Variants in USP36 observed in about 807,000 individuals in gnomAD.
The protein encoded by USP36 is ubiquitin specific peptidase 36.
A neutral mutation model predicts 111.5 loss-of-function variants in USP36; 59 were observed. That is an observed-to-expected ratio of 0.53 (90% confidence interval 0.43 to 0.66). USP36 has a LOEUF of 0.66. Ranked by LOEUF, USP36 falls within the 30% of genes least tolerant of loss-of-function variation. The probability of loss-of-function intolerance (pLI) is 0.00; values close to 1 mark genes in which losing one functional copy is unlikely to be tolerated. For missense variants in USP36, 1,488 were observed against 1,468.0 expected (o/e 1.01, Z -0.22); for synonymous variants, 628 against 581.0 (o/e 1.08, Z -1.16).
Position 78,803,394 on chromosome 17 carries a change from A to G in USP36, c.2801T>C (p.Leu934Pro), listed in dbSNP as rs2145025354. 1 of 1,613,016 alleles carries G rather than the reference A, an allele frequency of 6.2e-7. No individual in the cohort carries two copies. The highest frequency in any genetic ancestry group is 8.5e-7 in the Non-Finnish European group (1 of 1,179,268). Reference protein sequence around the residue: ...GEEGGLHQDPLRHSCSPMGDG... With the variant: ...GEEGGLHQDPPRHSCSPMGDG... The stretch of plus-strand genomic sequence containing the variant: ...TTGCTCCTGCCCTTACCTGTGCCGA[A>G]GTGGGTCCTGGTGCAGGCCGCCTTC... Residue 934 changes from leucine (L) to proline (P), a missense_variant, in exon 16 of 21, where the codon CTT (leucine) becomes CCT (proline). By Grantham distance (98) the Leu-to-Pro change is moderately conservative (BLOSUM62 -3). Around this residue, in one of 3 missense-constraint regions of USP36, gnomAD observed 1,073 missense variants for 994.1 expected, o/e 1.08. Transcript: ENST00000449938. The surrounding 1 kb of genome is among the most constrained non-coding windows in gnomAD (Gnocchi z 4.6).
intron 1 of USP36, 133 bp downstream of exon 1, chr17:78,840,603 G>C (rs930497372): frequency 6.6e-6 from 1 of 152,274 alleles, no homozygotes; most frequent in Non-Finnish European, 1.5e-5. Context: ...GCCCTGCGCG[G>C]ACCCGCGCCC....
chr17:78,821,834 G>T, intron 7 of USP36, 103 bp downstream of exon 7: 2 of 1,347,524 alleles, frequency 1.5e-6, no homozygotes, highest in Middle Eastern at 1.8e-4. Flanking sequence ...ACCCAGGTCT[G>T]CACAGCGAAG....
chr17:78,815,870 C>T (rs763628376), intron 10 of USP36, among the ~76,000 whole-genome samples: 15 of 152,144 alleles, frequency 9.9e-5, no homozygotes, highest in Middle Eastern at 3.4e-3. Flanking sequence ...TACACATGTA[C>T]GCATATACAT....
chr17:78,807,263 T>C lies in USP36; in HGVS notation c.1781A>G (p.His594Arg), dbSNP rs541169522. Reference sequence around the variant, plus strand: ...GCTCTCGTCGTTCCCCTTCAGCCCATGCCCGTTGGCAGTGGCTGTAGCCAG... The same window carrying C: ...GCTCTCGTCGTTCCCCTTCAGCCCACGCCCGTTGGCAGTGGCTGTAGCCAG... Reference protein sequence around the residue: ...KLLATATANGHGLKGNDESAG... With the variant: ...KLLATATANGRGLKGNDESAG... The change falls in exon 14 of 21, where the codon CAT (histidine) becomes CGT (arginine). Residue 594 changes from histidine (H) to arginine (R), a missense_variant. Coordinates refer to ENST00000449938, the MANE Select transcript of USP36 (RefSeq NM_001385174.1). The C allele has an allele frequency of 8.7e-6, 14 of 1,613,886 alleles. No individual in the cohort carries two copies. In the East Asian group the frequency reaches 2.7e-4, roughly 31 times the overall value.
At chr17:78,818,637 G>C in intron 10 of USP36, 30 bp downstream of exon 10, 3 of 1,600,996 alleles carry the variant, frequency 1.9e-6, no homozygotes, top group Non-Finnish European at 2.6e-6. Flanking sequence ...GGCCCACGGA[G>C]CTGCCTGGGA....
chr17:78,818,224 G>A (rs1168786399), intron 10 of USP36, among the ~76,000 whole-genome samples: 4 of 152,136 alleles, frequency 2.6e-5, no homozygotes, highest in Non-Finnish European at 4.4e-5. Context: ...AAGTCCCACC[G>A]CCCAGTGCTC....
rs775000525 is a variant in USP36, at chr17:78,807,449, G to A, written c.1595C>T (p.Pro532Leu). The A allele has an allele frequency of 1.2e-6, 2 of 1,613,992 alleles. No homozygotes were observed. Among genetic ancestry groups the A allele is most frequent in the African/African-American group, 2.7e-5 (2 of 74,908 alleles). ...PTHMPTILDD[P>L]GKKVKKPAPP... is the part of the protein sequence containing the mutation. ...AGCTGGCTTCTTCACCTTCTTTCCA[G>A]GGTCGTCTAGGATGGTTGGCATGTG... is the stretch of plus-strand genomic sequence containing the variant. Residue 532 changes from proline to leucine, a missense_variant, in exon 14 of 21, where the codon CCT (proline) becomes CTT (leucine). Coordinates refer to ENST00000449938, the MANE Select transcript of USP36 (RefSeq NM_001385174.1).
Position 78,835,282 on chromosome 17 carries a change from C to A in USP36, c.473G>T (p.Ser158Ile), listed in dbSNP as rs148941450. 2.7e-4 allele frequency: 428 copies of A among 1,613,990 alleles called. 1 individual carries two copies. The African/African-American group carries it at 2.9e-3, about 11-fold the overall frequency. The part of the protein sequence containing the change: ...NYLLSKEHAR[S>I]CHQGSFCMLC... ...CACTGCTGCAAACCCACACTCACAG[C>A]TGCGAGCATGCTCCTTGGAGAGCAG... The change falls in exon 4 of 21, where the codon AGC becomes ATC. Residue 158 changes from serine to isoleucine, a missense_variant and splice_region_variant. Transcript: ENST00000449938.
chr17:78,811,800 G>A (rs1215379650), intron 13 of USP36, among the ~76,000 whole-genome samples: 1 of 152,092 alleles, frequency 6.6e-6, no homozygotes, highest in Non-Finnish European at 1.5e-5. Flanking sequence ...CCTGGGAGGT[G>A]GAGGTTGCAG....
chr17:78,836,215 G>C lies in USP36; in HGVS notation c.149C>G (p.Ser50Cys), dbSNP rs773037826. The change falls in exon 3 of 21, where the codon TCC (serine) becomes TGC (cysteine). Residue 50 changes from serine to cysteine, a missense_variant. This residue lies in a region of USP36 where 219 missense variants were observed against 209.5 expected (regional missense o/e 1.05). Coordinates refer to ENST00000449938, the MANE Select transcript of USP36 (RefSeq NM_001385174.1). Reference sequence around the variant, plus strand: ...GCTCTTTAAGGCCTCCAGCTGGTAGGAGAAGCTCTTGCTGGCTGGCTCGAA... The same window carrying C: ...GCTCTTTAAGGCCTCCAGCTGGTAGCAGAAGCTCTTGCTGGCTGGCTCGAA... ...IEFEPASKSF[S>C]YQLEALKSKY... The C allele has an allele frequency of 2.5e-6, 4 of 1,614,156 alleles. No homozygotes were observed. In the Admixed American group the frequency reaches 6.7e-5, roughly 27 times the overall value.
chr17:78,835,140 T>G (rs1369550601), intron 4 of USP36, 140 bp downstream of exon 4: 20 of 874,034 alleles, frequency 2.3e-5, no homozygotes, highest in Non-Finnish European at 3.5e-5. Flanking sequence ...ATGATTCAAA[T>G]TTAGGTTTCA....
At chr17:78,812,715 AAAAG>A in intron 13 of USP36, 141 bp downstream of exon 13, 13 of 847,654 alleles carry the variant, frequency 1.5e-5, no homozygotes, top group South Asian at 8.2e-5. Context: ...AAAAAAAAAA[AAAAG>A]AAAAGAAAAG....
In USP36 at chr17:78,820,985, C is replaced by T. The variant is rs973752018; in HGVS notation, c.828+6G>A. On this transcript the variant is annotated splice_donor_region_variant and intron_variant, in intron 8 of 20. Transcript: ENST00000449938. ...TGCAAAAGTGAAGGGCAGGACAGAT[C>T]TGTACCCGGATCTCCAGCGCGACGT... 15 of 1,606,732 alleles carry T rather than the reference C, an allele frequency of 9.3e-6. No individual in the cohort carries two copies. Among genetic ancestry groups the T allele is most frequent in the Non-Finnish European group, 1.3e-5 (15 of 1,176,492 alleles).
At position 78,807,537 on chromosome 17, in the gene USP36, C is replaced by T. The variant is rs200860990; in HGVS notation, c.1507G>A (p.Gly503Ser). 8.7e-6 allele frequency: 14 copies of T among 1,613,186 alleles called. No homozygotes were observed. Among genetic ancestry groups the T allele is most frequent in the South Asian group, 1.1e-5 (1 of 90,930 alleles). The change falls in exon 14 of 21, where the codon GGC becomes AGC. Residue 503 changes from glycine to serine, a missense_variant. Gly to Ser is a moderately conservative substitution (Grantham distance 56, BLOSUM62 0). Transcript: ENST00000449938. Reference sequence around the variant, plus strand: ...GAGGGCAGCTTTGGAGGAATGCAGCCGTTCTGGGACTTCAGGCCCAGGGTG... The same window carrying T: ...GAGGGCAGCTTTGGAGGAATGCAGCTGTTCTGGGACTTCAGGCCCAGGGTG... ...GSTLGLKSQN[G>S]CIPPKLPSGS...
At chr17:78,804,124 A>C in intron 15 of USP36, 146 bp from the exon 16 acceptor site, 1 of 580,490 alleles carries the variant, frequency 1.7e-6, no homozygotes, top group Non-Finnish European at 2.9e-6. Flanking sequence ...ATTAAGTTAC[A>C]TGTATGTTTG....
At chr17:78,815,340 A>AAAAC (rs964842853) in intron 10 of USP36, among the ~76,000 whole-genome samples, 2 of 152,154 alleles carry the variant, frequency 1.3e-5, no homozygotes, top group Non-Finnish European at 2.9e-5. Context: ...CAAAACAATC[A>AAAAC]AAACAAACAA....
intron 2 of USP36, among the ~76,000 whole-genome samples, chr17:78,836,728 C>T (rs770687275): frequency 6.6e-6 from 1 of 152,076 alleles, no homozygotes; most frequent in Non-Finnish European, 1.5e-5. Context: ...AAGGTCATCA[C>T]GTGGTCCAAA....
intron 6 of USP36, among the ~76,000 whole-genome samples, chr17:78,824,134 C>T (rs2067317312): frequency 1.3e-5 from 2 of 152,186 alleles, no homozygotes; most frequent in Admixed American, 6.5e-5. Flanking sequence ...TATGAGAGGC[C>T]GGGCTTCACC....
rs541585516 is a variant in USP36 at position 78,812,707 on chromosome 17, A to G, written c.1407+153T>C. The stretch of plus-strand genomic sequence containing the variant: ...GCGAGACTCTGTCTCGAAAAAAAAA[A>G]AAAAAAAAAAAGAAAAGAAAAGAAA... On this transcript the variant is annotated intron_variant, in intron 13 of 20. Transcript: ENST00000449938. 5.3e-5 allele frequency among the ~76,000 whole-genome samples: 8 copies of G among 151,268 alleles called. No homozygotes were observed. In the South Asian group the frequency reaches 1.5e-3, roughly 28 times the overall value.
Sources: allele counts gnomAD v4.1 joint callset (sites outside exome capture counted in the v4.1 genomes callset), GRCh38; gene constraint gnomAD v4.1.1; regional missense constraint gnomAD v4.1.1; non-coding constraint Gnocchi (gnomAD v3.1); transcripts MANE v1.5; gene names NCBI Gene and HGNC (gene_info 2026-07-23, HGNC 2026-07-21).